The following LYRM4 variants were observed in gnomAD, a reference collection of about 807,000 sequenced individuals.
LYRM4 encodes the protein LYR motif containing 4, also known as LYR motif-containing protein 4.
A neutral mutation model predicts 11.7 loss-of-function variants in LYRM4; 9 were observed. The observed-to-expected ratio is 0.77, with a 90% CI of 0.46 to 1.34. The LOEUF (loss-of-function observed/expected upper bound fraction) is 1.34. Ranked by LOEUF, LYRM4 falls within the 40% of genes most tolerant of loss-of-function variation. LYRM4 has a pLI of 0.00. For missense variants in LYRM4, 133 were observed against 112.5 expected (o/e 1.18, Z -0.82); for synonymous variants, 42 against 40.4 (o/e 1.04, Z -0.15).
chr6:5,115,563 A>G (rs962940031), intron 2 of LYRM4, among the ~76,000 whole-genome samples: 1 of 152,142 alleles, frequency 6.6e-6, no homozygotes, highest in Admixed American at 6.5e-5. Context: ...AGAGGATGAA[A>G]ATTCTAGGGG....
At chr6:5,090,936 T>C in the LYRM4 span, among the ~76,000 whole-genome samples, 6 of 152,198 alleles carry the variant, frequency 3.9e-5, no homozygotes, top group African/African-American at 1.2e-4. The surrounding 1 kb of genome is among the most constrained non-coding windows in gnomAD (Gnocchi z 4.8). Flanking sequence ...ATTGGTGCCA[T>C]GTGTTCTTTA....
chr6:5,247,826 A>T (rs1015730605), intron 1 of LYRM4, among the ~76,000 whole-genome samples: 22 of 152,262 alleles, frequency 1.4e-4, no homozygotes, highest in African/African-American at 5.3e-4. Context: ...GAGAGCAGAC[A>T]TAATCAACTA....
At chr6:5,225,201 T>C (rs373235422) in intron 1 of LYRM4, among the ~76,000 whole-genome samples, 1 of 149,532 alleles carries the variant, frequency 6.7e-6, no homozygotes, top group East Asian at 2.0e-4. Context: ...TGAGCCAAGA[T>C]TGCGCCACTG....
chr6:5,104,225 A>G (rs17139428), downstream of LYRM4: 1,481 of 152,404 alleles, frequency 9.7e-3, 17 homozygotes, highest in Non-Finnish European at 0.011. Context: ...TATTTGCTCT[A>G]CAGAGTTACG....
At chr6:5,071,864 C>T in the LYRM4 span, among the ~76,000 whole-genome samples, 5 of 152,054 alleles carry the variant, frequency 3.3e-5, no homozygotes, top group South Asian at 6.2e-4. Context: ...AGGCCGGTCT[C>T]GAACTCCTGA....
In LYRM4 at chr6:5,211,685, C is replaced by A. The variant is rs1581515349; in HGVS notation, c.207+4933G>T. Among the ~76,000 whole-genome samples, 3 of 152,312 alleles carry A rather than the reference C, an allele frequency of 2.0e-5. No individual in the cohort carries two copies. The East Asian group carries it at 5.8e-4, about 29-fold the overall frequency. ...CAGCTGCTGTGGTAGAAAACAGTGACCCCTGAAAAGCTGATGGGAAGATGG... is the reference window on the plus strand; with the variant it reads ...CAGCTGCTGTGGTAGAAAACAGTGAACCCTGAAAAGCTGATGGGAAGATGG... On this transcript the variant is annotated intron_variant, in intron 2 of 2. Transcript: ENST00000330636.
chr6:5,157,992 C>T (rs1312386102), intron 2 of LYRM4, among the ~76,000 whole-genome samples: 1 of 151,972 alleles, frequency 6.6e-6, no homozygotes, highest in Non-Finnish European at 1.5e-5. Context: ...GGGGCTGGCC[C>T]GAAACGCCAA....
the LYRM4 span, chr6:5,084,595 C>A: frequency 3.9e-5 from 6 of 152,088 alleles, no homozygotes; most frequent in African/African-American, 1.4e-4. Flanking sequence ...TCCGGCCGCT[C>A]TCGGCTGCGG....
the LYRM4 span, chr6:5,066,770 A>G: frequency 1.4e-6 from 1 of 739,770 alleles, no homozygotes; most frequent in East Asian, 2.5e-5. Flanking sequence ...CGTAACGCTT[A>G]AAGTCTAAGA....
chr6:5,056,643 C>T, the LYRM4 span, among the ~76,000 whole-genome samples: 1 of 152,212 alleles, frequency 6.6e-6, no homozygotes, highest in African/African-American at 2.4e-5. Context: ...TCATAAAAGT[C>T]TTTAAATACC....
At position 5,248,642 on chromosome 6, in the gene LYRM4, C is replaced by G. The variant is rs939729271; in HGVS notation, c.86+12006G>C. On this transcript the variant is annotated intron_variant, in intron 1 of 2. Transcript: ENST00000330636. ...CCTTCCCCAGCTAGTCCCTACTAGC[C>G]CTTCACAGCTCAGGTCAGCCACCAC... is the stretch of plus-strand genomic sequence containing the variant. 3.9e-5 allele frequency among the ~76,000 whole-genome samples: 6 copies of G among 152,224 alleles called. 1 individual carries two copies. The South Asian group carries it at 6.2e-4, about 16-fold the overall frequency.
chr6:5,085,719 C>T, the LYRM4 span: 5,285 of 1,546,090 alleles, frequency 3.4e-3, 136 homozygotes, highest in African/African-American at 0.063. Flanking sequence ...AATGCCGCCG[C>T]CGCTGCCGCG....
chr6:5,053,571 C>T, the LYRM4 span, among the ~76,000 whole-genome samples: 5 of 151,184 alleles, frequency 3.3e-5, no homozygotes, highest in East Asian at 2.0e-4. Flanking sequence ...GAGGCTGCAG[C>T]GAGCTATAAT....
intron 2 of LYRM4, among the ~76,000 whole-genome samples, chr6:5,181,689 C>T (rs1226727223): frequency 6.6e-6 from 1 of 152,154 alleles, no homozygotes; most frequent in African/African-American, 2.4e-5. Flanking sequence ...CCCTGCCGAG[C>T]TCTCTCTAAG....
intron 1 of LYRM4, among the ~76,000 whole-genome samples, chr6:5,258,652 G>A (rs1259805250): frequency 6.6e-6 from 1 of 152,126 alleles, no homozygotes; most frequent in African/African-American, 2.4e-5. Context: ...GGTAATAGCA[G>A]GAATGTCGGT....
At chr6:5,115,618 C>A (rs1256265252) in intron 2 of LYRM4, among the ~76,000 whole-genome samples, 2 of 152,114 alleles carry the variant, frequency 1.3e-5, no homozygotes, top group Admixed American at 1.3e-4. Flanking sequence ...GTGGGATCAG[C>A]CCCATGGAAA....
chr6:5,092,612 G>A, the LYRM4 span, among the ~76,000 whole-genome samples: 1 of 152,106 alleles, frequency 6.6e-6, no homozygotes. Context: ...CAGCTACCAG[G>A]GAGGCTGAGG....
At chr6:5,212,046 C>T (rs994032821) in intron 2 of LYRM4, among the ~76,000 whole-genome samples, 21 of 152,186 alleles carry the variant, frequency 1.4e-4, no homozygotes, top group African/African-American at 5.1e-4. Flanking sequence ...AATATTTTCT[C>T]TTTGGTGAAC....
At chr6:5,042,776 T>C in the LYRM4 span, 1 of 152,658 alleles carries the variant, frequency 6.6e-6, no homozygotes. Flanking sequence ...GGACATTTGT[T>C]GCTTTTCTTC....
Sources: allele counts gnomAD v4.1 joint callset (sites outside exome capture counted in the v4.1 genomes callset), GRCh38; gene constraint gnomAD v4.1.1; non-coding constraint Gnocchi (gnomAD v3.1); transcripts MANE v1.5; gene names NCBI Gene and HGNC (gene_info 2026-07-23, HGNC 2026-07-21).